The following DPP6 variants were observed in gnomAD, a reference collection of about 807,000 sequenced individuals.
DPP6 encodes A-type potassium channel modulatory protein DPP6.
DPP6 carries 69 observed loss-of-function variants against 122.6 expected under a neutral mutation model. The ratio of observed to expected loss-of-function variants is 0.56; its 90% confidence interval spans 0.46 to 0.69. DPP6 has a LOEUF of 0.69. Among genes scored for constraint, DPP6 ranks in the 30% least tolerant of loss-of-function variants. DPP6 has a pLI of 0.00. For synonymous variants in DPP6, 418 were observed against 433.1 expected (o/e 0.97, Z 0.43); for missense variants, 928 against 1,116.9 (o/e 0.83, Z 2.41).
At chr7:153,893,934 A>C (rs1013328785) in intron 1 of DPP6, among the ~76,000 whole-genome samples, 11 of 152,216 alleles carry the variant, frequency 7.2e-5, no homozygotes, top group Admixed American at 3.9e-4. Context: ...GTAAAGCTAG[A>C]GTCACTGCAG....
intron 1 of DPP6, among the ~76,000 whole-genome samples, chr7:154,358,421 C>T (rs1811452449): frequency 6.6e-6 from 1 of 152,186 alleles, no homozygotes; most frequent in Non-Finnish European, 1.5e-5. Context: ...TCTGTGGTTT[C>T]TGAAATGGCG....
chr7:154,506,664 A>C (rs1052240115), intron 3 of DPP6, among the ~76,000 whole-genome samples: 2 of 152,172 alleles, frequency 1.3e-5, no homozygotes, highest in African/African-American at 4.8e-5. Flanking sequence ...TTTCATGGAT[A>C]TAATGCTAAA....
chr7:154,643,572 A>G (rs1356358331), intron 6 of DPP6, among the ~76,000 whole-genome samples: 1 of 151,028 alleles, frequency 6.6e-6, no homozygotes, highest in African/African-American at 2.4e-5. Context: ...AGGTTCAAGC[A>G]ATTCTCCTGC....
intron 25 of DPP6, chr7:154,889,945 T>A: frequency 5.1e-6 from 1 of 197,038 alleles, no homozygotes. Flanking sequence ...TGCTTCCCTC[T>A]GACCAACACC....
intron 1 of DPP6, among the ~76,000 whole-genome samples, chr7:154,185,193 A>C (rs989427423): frequency 2.0e-5 from 3 of 152,244 alleles, no homozygotes; most frequent in African/African-American, 7.2e-5. Context: ...TATGCATTGT[A>C]GGCTATTAAC....
rs184661735 is a variant in DPP6 at position 154,685,068 on chromosome 7, A to C, written c.762+15627A>C. Among the ~76,000 whole-genome samples the C allele has an allele frequency of 1.0e-3, 158 of 152,314 alleles. 1 individual carries two copies. The highest frequency in any genetic ancestry group is 4.1e-3 in the Admixed American group (62 of 15,302). ...CTGATGAACTATAATAGAACATCTC[A>C]TTGTTACACAGAGTCAGCCGTCTCC... On this transcript the variant is annotated intron_variant, in intron 7 of 25. Coordinates refer to ENST00000377770, the MANE Select transcript of DPP6 (RefSeq NM_130797.4).
At chr7:153,871,024 G>A in the DPP6 span, among the ~76,000 whole-genome samples, 2 of 152,154 alleles carry the variant, frequency 1.3e-5, no homozygotes, top group African/African-American at 2.4e-5. Flanking sequence ...TTGTCTCAGA[G>A]GAGTACCCGG....
intron 1 of DPP6, among the ~76,000 whole-genome samples, chr7:153,946,762 G>A (rs770218576): frequency 6.6e-4 from 100 of 152,114 alleles, no homozygotes; most frequent in Non-Finnish European, 9.0e-4. Context: ...ATATGGATGG[G>A]CACACCAGGT....
chr7:154,776,988 A>G (rs2150391976), intron 10 of DPP6, among the ~76,000 whole-genome samples: 1 of 152,350 alleles, frequency 6.6e-6, no homozygotes, highest in Non-Finnish European at 1.5e-5. Context: ...TCTAACCTTT[A>G]TGCCACTCAT....
chr7:154,881,017 G>C, intron 21 of DPP6, 75 bp downstream of exon 21: 1 of 1,523,814 alleles, frequency 6.6e-7, no homozygotes, highest in Non-Finnish European at 8.8e-7. Flanking sequence ...GTCTAATCCT[G>C]ATTTATTGAG....
At chr7:154,202,887 T>C (rs552528583) in intron 1 of DPP6, among the ~76,000 whole-genome samples, 1 of 152,208 alleles carries the variant, frequency 6.6e-6, no homozygotes. Flanking sequence ...TTTTTCCAAA[T>C]GTCAGCTAAC....
intron 1 of DPP6, among the ~76,000 whole-genome samples, chr7:154,348,519 G>T (rs1810582206): frequency 6.6e-6 from 1 of 152,134 alleles, no homozygotes; most frequent in African/African-American, 2.4e-5. Context: ...TTATTTAAAG[G>T]ATAGCATCAT....
chr7:154,109,355 A>G (rs1806399206), intron 1 of DPP6, among the ~76,000 whole-genome samples: 1 of 152,110 alleles, frequency 6.6e-6, no homozygotes, highest in South Asian at 2.1e-4. Context: ...CTGTGGCACA[A>G]TCTCAGTTCA....
At chr7:154,645,896 T>C (rs1472528492) in intron 6 of DPP6, among the ~76,000 whole-genome samples, 3 of 151,546 alleles carry the variant, frequency 2.0e-5, no homozygotes, top group Middle Eastern at 3.4e-3. Flanking sequence ...GGCATGGTGG[T>C]GGGCACCTGT....
chr7:154,480,348 TACC>T (rs934189227), intron 3 of DPP6, among the ~76,000 whole-genome samples: 3 of 152,148 alleles, frequency 2.0e-5, no homozygotes, highest in African/African-American at 7.2e-5. Flanking sequence ...CCCGTTAGGC[TACC>T]ACGCCCAGCA....
intron 2 of DPP6, among the ~76,000 whole-genome samples, chr7:154,474,153 C>G (rs1822525299): frequency 6.6e-6 from 1 of 152,136 alleles, no homozygotes; most frequent in Non-Finnish European, 1.5e-5. Context: ...TTTTCAAAGT[C>G]AATAAGTGGA....
chr7:154,216,293 G>A (rs1180671630), intron 1 of DPP6, among the ~76,000 whole-genome samples: 1 of 152,190 alleles, frequency 6.6e-6, no homozygotes, highest in African/African-American at 2.4e-5. Context: ...CACAGCTTTT[G>A]GCAATGACAG....
rs574202987 is a variant in DPP6, at chr7:154,090,920, A to G, written c.243+37857A>G. On this transcript the variant is annotated intron_variant, in intron 1 of 25. Transcript: ENST00000377770. ...CGGATCACAAAGTCAGGAGATCGAGACCATCCTGGCTAACACAGTGAAACC... is the reference window on the plus strand; with the variant it reads ...CGGATCACAAAGTCAGGAGATCGAGGCCATCCTGGCTAACACAGTGAAACC... Among the ~76,000 whole-genome samples, 416 of 149,208 alleles carry G rather than the reference A, an allele frequency of 2.8e-3. 1 individual carries two copies. Among genetic ancestry groups the G allele is most frequent in the African/African-American group, 0.01 (404 of 40,320 alleles).
At chr7:153,961,509 T>A (rs991391284) in intron 1 of DPP6, among the ~76,000 whole-genome samples, 2 of 150,442 alleles carry the variant, frequency 1.3e-5, no homozygotes, top group African/African-American at 2.5e-5. Flanking sequence ...GTCCCCAGAC[T>A]TTTTGGCACC....
Sources: gnomAD v4.1 joint callset for allele counts (sites outside exome capture counted in the v4.1 genomes callset) on GRCh38, gnomAD v4.1.1 for gene constraint, MANE v1.5 for transcripts, NCBI Gene and HGNC (gene_info 2026-07-23, HGNC 2026-07-21) for gene names.